Variants in DLG2 observed in about 807,000 individuals in gnomAD.
The protein encoded by DLG2 is discs large MAGUK scaffold protein 2.
In DLG2, 45 loss-of-function variants were observed where a neutral mutation model predicts 132.5. The ratio of observed to expected loss-of-function variants is 0.34; its 90% CI spans 0.27 to 0.44. DLG2 has a LOEUF of 0.44. Ranked by LOEUF, DLG2 falls within the 20% of genes least tolerant of loss-of-function variation. The probability of loss-of-function intolerance (pLI) is 1.00; values close to 1 mark genes in which losing one functional copy is unlikely to be tolerated. For missense variants in DLG2, 1,045 were observed against 1,196.9 expected (o/e 0.87, Z 1.87); for synonymous variants, 424 against 419.6 (o/e 1.01, Z -0.13).
chr11:85,087,828 G>A (rs1032876482), intron 6 of DLG2, among the ~76,000 whole-genome samples: 1 of 94,856 alleles, frequency 1.1e-5, no homozygotes, highest in African/African-American at 3.6e-5. Context: ...CTGGGCGACA[G>A]AGCGAGACTC....
At chr11:85,019,651 A>T (rs1323176096) in intron 6 of DLG2, among the ~76,000 whole-genome samples, 1 of 151,948 alleles carries the variant, frequency 6.6e-6, no homozygotes, top group Non-Finnish European at 1.5e-5. Context: ...CCAGTGTGTG[A>T]TGTTCCCCAC....
chr11:84,565,311 C>A (rs909006855), intron 6 of DLG2, among the ~76,000 whole-genome samples: 1 of 152,044 alleles, frequency 6.6e-6, no homozygotes, highest in African/African-American at 2.4e-5. Flanking sequence ...GGCATCATGA[C>A]TATAGGGATT....
chr11:84,146,651 C>A (rs930267082), intron 9 of DLG2, among the ~76,000 whole-genome samples: 1 of 152,072 alleles, frequency 6.6e-6, no homozygotes, highest in African/African-American at 2.4e-5. Context: ...TAGGACATGA[C>A]CTACCTGACA....
At chr11:85,072,481 G>C (rs1159835325) in intron 6 of DLG2, among the ~76,000 whole-genome samples, 1 of 151,834 alleles carries the variant, frequency 6.6e-6, no homozygotes, top group Non-Finnish European at 1.5e-5. Flanking sequence ...TATATTTTGA[G>C]AAACACTATC....
intron 18 of DLG2, among the ~76,000 whole-genome samples, chr11:83,781,306 G>C (rs1158597126): frequency 6.6e-6 from 1 of 152,024 alleles, no homozygotes; most frequent in Non-Finnish European, 1.5e-5. Flanking sequence ...ATTTATTTGA[G>C]AGGGGCTTTT....
chr11:84,428,634 C>T (rs1245551326), intron 7 of DLG2, among the ~76,000 whole-genome samples: 1 of 152,168 alleles, frequency 6.6e-6, no homozygotes, highest in Non-Finnish European at 1.5e-5. Flanking sequence ...CCAAGCCTAT[C>T]AGATTCAGAC....
intron 15 of DLG2, among the ~76,000 whole-genome samples, chr11:83,896,442 G>A (rs187859621): frequency 1.4e-4 from 22 of 152,276 alleles, no homozygotes; most frequent in Admixed American, 3.9e-4. Flanking sequence ...ACATAAAGAT[G>A]CTCACTGTTA....
At chr11:85,420,881 G>T (rs553898696) in intron 3 of DLG2, among the ~76,000 whole-genome samples, 1 of 152,182 alleles carries the variant, frequency 6.6e-6, no homozygotes, top group Non-Finnish European at 1.5e-5. Context: ...CTCCCTGGCC[G>T]CAGGATCCAC....
At chr11:85,222,043 T>C (rs1235645810) in intron 4 of DLG2, among the ~76,000 whole-genome samples, 3 of 152,132 alleles carry the variant, frequency 2.0e-5, no homozygotes, top group African/African-American at 7.2e-5. Context: ...GTTCAAGCTA[T>C]TCTCCCACCT....
chr11:84,212,121 G>A (rs757674688), intron 8 of DLG2, among the ~76,000 whole-genome samples: 4 of 152,196 alleles, frequency 2.6e-5, no homozygotes, highest in African/African-American at 4.8e-5. Context: ...TGTAGAAAAT[G>A]AGCAAATGGA....
At chr11:85,009,886 C>G (rs1347515754) in intron 6 of DLG2, among the ~76,000 whole-genome samples, 1 of 151,982 alleles carries the variant, frequency 6.6e-6, no homozygotes, top group African/African-American at 2.4e-5. Flanking sequence ...ATAAAAAGTC[C>G]CTAAACCAGC....
At chr11:84,302,766 T>C (rs771059570) in intron 7 of DLG2, among the ~76,000 whole-genome samples, 10 of 152,198 alleles carry the variant, frequency 6.6e-5, no homozygotes, top group Non-Finnish European at 1.3e-4. Flanking sequence ...GGATTTATGA[T>C]TAACTACTAG....
chr11:84,961,256 A>G (rs1170914851), intron 6 of DLG2, among the ~76,000 whole-genome samples: 1 of 151,858 alleles, frequency 6.6e-6, no homozygotes, highest in Admixed American at 6.6e-5. Flanking sequence ...AGAAGTGGGT[A>G]AAAATTCCAA....
intron 3 of DLG2, among the ~76,000 whole-genome samples, chr11:85,407,060 C>T (rs141570849): frequency 2.0e-5 from 3 of 151,840 alleles, no homozygotes; most frequent in Non-Finnish European, 4.4e-5. Context: ...GTATTCTTGG[C>T]AGCTTACAGG....
rs145932337 is a variant in DLG2, at chr11:85,518,520, G to A, written c.40+80137C>T. Among the ~76,000 whole-genome samples the A allele has an allele frequency of 7.7e-3, 1,173 of 152,296 alleles. 16 individuals are homozygous for A. Among genetic ancestry groups the A allele is most frequent in the African/African-American group, 0.027 (1,141 of 41,564 alleles). On this transcript the variant is annotated intron_variant, in intron 3 of 27. Transcript: ENST00000376104. ...ATCTAAGCAGCAAAGCATTCAAGAGGTGACTTGGGTGCTATTAAAGGCATT... is the reference window on the plus strand; with the variant it reads ...ATCTAAGCAGCAAAGCATTCAAGAGATGACTTGGGTGCTATTAAAGGCATT...
At chr11:85,304,751 G>T (rs2079829414) in intron 3 of DLG2, among the ~76,000 whole-genome samples, 1 of 152,152 alleles carries the variant, frequency 6.6e-6, no homozygotes, top group Admixed American at 6.5e-5. Flanking sequence ...AACAGAAAAG[G>T]GCAGTAAAGC....
intron 3 of DLG2, among the ~76,000 whole-genome samples, chr11:85,438,759 T>C (rs1427563225): frequency 2.0e-5 from 3 of 152,196 alleles, no homozygotes; most frequent in Non-Finnish European, 4.4e-5. Context: ...GGTTCCAGTT[T>C]CTACTATCGG....
At chr11:85,096,855 C>T (rs960512579) in intron 6 of DLG2, among the ~76,000 whole-genome samples, 4 of 152,112 alleles carry the variant, frequency 2.6e-5, no homozygotes, top group East Asian at 1.9e-4. Flanking sequence ...ACTAAAGACA[C>T]GGGTGTCAGG....
At chr11:83,796,434 T>G (rs1006157483) in intron 17 of DLG2, among the ~76,000 whole-genome samples, 20 of 152,364 alleles carry the variant, frequency 1.3e-4, no homozygotes, top group African/African-American at 4.8e-4. Flanking sequence ...TTTGAACACA[T>G]TTTTCACTTT....
Sources: gnomAD v4.1 joint callset for allele counts (sites outside exome capture counted in the v4.1 genomes callset) on GRCh38, gnomAD v4.1.1 for gene constraint, MANE v1.5 for transcripts, NCBI Gene and HGNC (gene_info 2026-07-23, HGNC 2026-07-21) for gene names.